Variants in PLXNC1 observed in about 807,000 individuals in gnomAD.
PLXNC1 encodes the protein plexin C1, also known as plexin-C1.
PLXNC1 carries 75 observed loss-of-function variants against 178.2 expected under a neutral mutation model. The observed-to-expected ratio is 0.42, with a 90% CI of 0.35 to 0.51. The LOEUF is 0.51. Among genes scored for constraint, PLXNC1 ranks in the 20% least tolerant of loss-of-function variants. PLXNC1 has a pLI of 0.02. For synonymous variants in PLXNC1, 790 were observed against 779.9 expected (o/e 1.01, Z -0.22); for missense variants, 1,503 against 1,984.4 (o/e 0.76, Z 4.61).
intron 1 of PLXNC1, among the ~76,000 whole-genome samples, chr12:94,168,782 C>T (rs1287890751): frequency 1.3e-5 from 2 of 152,154 alleles, no homozygotes; most frequent in Non-Finnish European, 1.5e-5. Context: ...AATGAATTGG[C>T]GGCAGGATTT....
chr12:94,305,298 C>G lies in PLXNC1; in HGVS notation c.*13C>G. ...CAAGTGGATGTAAGCACTCTGGGGCCTGGCTTAATCTGGCAAAGTTCTTCA... is the reference window on the plus strand; with the variant it reads ...CAAGTGGATGTAAGCACTCTGGGGCGTGGCTTAATCTGGCAAAGTTCTTCA... On this transcript the variant is annotated 3_prime_UTR_variant, in exon 31 of 31. Coordinates refer to ENST00000258526, the MANE Select transcript of PLXNC1 (RefSeq NM_005761.3). 6.7e-7 allele frequency: 1 copy of G among 1,499,184 alleles called. No individual in the cohort carries two copies. The highest frequency in any genetic ancestry group is 9.2e-7 in the Non-Finnish European group (1 of 1,082,882). 92.9% of individuals were successfully genotyped at this position (1,499,184 alleles called of 1,614,324 possible).
In PLXNC1 at chr12:94,149,637, C is replaced by T; in HGVS notation, c.666C>T (p.Arg222=). ...GCCTGGCCACGCAGGAGCTGGGGCG[C>T]CTCAAGCTGTGCGAGGGCGCGGGCA... The part of the protein sequence containing the change: ...GRSLATQELG[R]LKLCEGAGSL... The change falls in exon 1 of 31, where the codon CGC becomes CGT. Residue 222 remains arginine (R), a synonymous_variant. Coordinates refer to ENST00000258526, the MANE Select transcript of PLXNC1 (RefSeq NM_005761.3). 1 of 1,598,382 alleles carries T rather than the reference C, an allele frequency of 6.3e-7. No individual in the cohort carries two copies. The highest frequency in any genetic ancestry group is 8.5e-7 in the Non-Finnish European group (1 of 1,172,974).
intron 1 of PLXNC1, among the ~76,000 whole-genome samples, chr12:94,167,292 G>C (rs1368074127): frequency 1.3e-5 from 2 of 152,148 alleles, no homozygotes; most frequent in Non-Finnish European, 2.9e-5. Flanking sequence ...AGACCTGGCT[G>C]TACACTGTCC....
At chr12:94,250,863 T>G (rs1354148846) in intron 14 of PLXNC1, among the ~76,000 whole-genome samples, 1 of 151,236 alleles carries the variant, frequency 6.6e-6, no homozygotes, top group Non-Finnish European at 1.5e-5. Context: ...TACAAAAAAT[T>G]TAAAAATTAG....
At chr12:94,179,439 G>T (rs1962221474) in intron 2 of PLXNC1, among the ~76,000 whole-genome samples, 1 of 152,150 alleles carries the variant, frequency 6.6e-6, no homozygotes, top group African/African-American at 2.4e-5. Context: ...AGGTACAAAG[G>T]TGATTAAGAC....
intron 23 of PLXNC1, among the ~76,000 whole-genome samples, chr12:94,283,615 G>C (rs1966615046): frequency 1.3e-5 from 2 of 152,196 alleles, no homozygotes; most frequent in Non-Finnish European, 2.9e-5. Flanking sequence ...AGTTTTTAAG[G>C]ACAACTTGGT....
At chr12:94,295,984 A>G (rs1967883546) in intron 24 of PLXNC1, among the ~76,000 whole-genome samples, 1 of 152,166 alleles carries the variant, frequency 6.6e-6, no homozygotes. Flanking sequence ...TTCTTCCTTG[A>G]TGCTTGTAGG....
At chr12:94,225,505 G>A (rs957795884) in intron 7 of PLXNC1, among the ~76,000 whole-genome samples, 1 of 152,118 alleles carries the variant, frequency 6.6e-6, no homozygotes, top group Admixed American at 6.6e-5. Context: ...TACAAAAATT[G>A]CTACAGAAAG....
intron 5 of PLXNC1, among the ~76,000 whole-genome samples, chr12:94,213,874 T>TTG (rs1963565462): frequency 6.6e-6 from 1 of 151,236 alleles, no homozygotes; most frequent in African/African-American, 2.4e-5. Context: ...CTACATTTTT[T>TTG]TTTTTTTTTT....
intron 2 of PLXNC1, 21 bp from the exon 3 acceptor site, chr12:94,181,425 C>G (rs1962301728): frequency 1.4e-6 from 2 of 1,403,676 alleles, no homozygotes; most frequent in Non-Finnish European, 2.0e-6. Context: ...TCATGTTTCT[C>G]TTTTTGAAAA....
Position 94,282,390 on chromosome 12 carries a change from G to C in PLXNC1, c.3868G>C (p.Gly1290Arg). The change falls in exon 23 of 31, where the codon GGC (glycine) becomes CGC (arginine). Residue 1290 changes from glycine to arginine, a missense_variant. By Grantham distance (125) the Gly-to-Arg change is moderately radical. This residue lies in a region of PLXNC1 where 639 missense variants were observed against 979.7 expected (regional missense o/e 0.65). Transcript: ENST00000258526. ...TGGAATCACCAAGCTAAACACCATT[G>C]GCCACTATGAGGTAAGAGCAAGACT... is the stretch of plus-strand genomic sequence containing the variant. ...EDGITKLNTI[G>R]HYEISNGSTI... 1 of 1,609,046 alleles carries C rather than the reference G, an allele frequency of 6.2e-7. No individual in the cohort carries two copies. The highest frequency in any genetic ancestry group is 1.1e-5 in the South Asian group (1 of 90,976).
chr12:94,271,934 T>A (rs1965595603), intron 21 of PLXNC1, among the ~76,000 whole-genome samples: 1 of 152,146 alleles, frequency 6.6e-6, no homozygotes, highest in African/African-American at 2.4e-5. Flanking sequence ...ATGTTCTTGT[T>A]AAAAATGTTA....
rs575201717 is a variant in PLXNC1 at position 94,188,557 on chromosome 12, C to G, written c.1439+2084C>G. 6.6e-5 allele frequency among the ~76,000 whole-genome samples: 10 copies of G among 152,202 alleles called. No homozygotes were observed. The East Asian group carries it at 1.4e-3, about 21-fold the overall frequency. On this transcript the variant is annotated intron_variant, in intron 4 of 30. Coordinates refer to ENST00000258526, the MANE Select transcript of PLXNC1 (RefSeq NM_005761.3). Reference sequence around the variant, plus strand: ...CAGGTTGGTCTCGAACTCCTGACCTCAGGTGATCCGCCTGCCTCAGCCTCC... The same window carrying G: ...CAGGTTGGTCTCGAACTCCTGACCTGAGGTGATCCGCCTGCCTCAGCCTCC...
chr12:94,296,017 C>T (rs982043110), intron 24 of PLXNC1, among the ~76,000 whole-genome samples: 1 of 152,174 alleles, frequency 6.6e-6, no homozygotes, highest in Non-Finnish European at 1.5e-5. Flanking sequence ...CATTCAAGGC[C>T]AGTCTCTCAC....
At chr12:94,276,877 G>A (rs1024220159) in intron 21 of PLXNC1, 8 of 152,194 alleles carry the variant, frequency 5.3e-5, no homozygotes, top group Admixed American at 4.6e-4. Flanking sequence ...AGGCAAGGGA[G>A]TGACTCTGTT....
At chr12:94,223,036 C>A (rs187651863) in intron 6 of PLXNC1, among the ~76,000 whole-genome samples, 55 of 152,300 alleles carry the variant, frequency 3.6e-4, no homozygotes, top group Admixed American at 2.0e-3. Context: ...TTGGGAACCA[C>A]ACACTAATAA....
chr12:94,226,423 C>A lies in PLXNC1; in HGVS notation c.1791-182C>A, dbSNP rs113568325. ...GGCAACACCCCTGCAGGTGCCATTC[C>A]GGCCCATCAACCTGAGGGCTTCCAA... On this transcript the variant is annotated intron_variant, in intron 7 of 30. Coordinates refer to ENST00000258526, the MANE Select transcript of PLXNC1 (RefSeq NM_005761.3). 5.6e-6 allele frequency: 3 copies of A among 536,014 alleles called. No homozygotes were observed. The East Asian group carries it at 9.8e-5, about 18-fold the overall frequency. 33.2% of individuals were successfully genotyped at this position (536,014 alleles called of 1,614,324 possible).
At chr12:94,255,108 C>G (rs951059707) in intron 16 of PLXNC1, 85 bp from the exon 17 acceptor site, 2 of 1,117,850 alleles carry the variant, frequency 1.8e-6, no homozygotes, top group South Asian at 1.3e-5. Flanking sequence ...AAACCAAGGT[C>G]ATACTCTGTG....
At chr12:94,212,166 T>C (rs1963490815) in intron 5 of PLXNC1, among the ~76,000 whole-genome samples, 2 of 148,488 alleles carry the variant, frequency 1.3e-5, no homozygotes, top group South Asian at 2.1e-4. Flanking sequence ...CCCAGCTACT[T>C]GGGAGGCTGA....
Sources: allele counts gnomAD v4.1 joint callset (sites outside exome capture counted in the v4.1 genomes callset), GRCh38; gene constraint gnomAD v4.1.1; regional missense constraint gnomAD v4.1.1; transcripts MANE v1.5; gene names NCBI Gene and HGNC (gene_info 2026-07-23, HGNC 2026-07-21).